The following CT45A1 variants were observed in gnomAD, a reference collection of about 807,000 sequenced individuals.
The protein encoded by CT45A1 is cancer/testis antigen family 45 member A1.
upstream of CT45A1, among the ~76,000 whole-genome samples, chrX:135,711,409 T>C (rs2087932618): frequency 9.0e-6 from 1 of 111,379 alleles, no homozygotes; most frequent in African/African-American, 3.3e-5. Flanking sequence ...GACAGGGTAC[T>C]TAACAAACAT....
intron 1 of CT45A1, among the ~76,000 whole-genome samples, chrX:135,717,069 A>AT (rs1464003252): frequency 2.7e-5 from 3 of 111,598 alleles, no homozygotes; most frequent in Non-Finnish European, 3.8e-5. Flanking sequence ...TCTTTAAAAA[A>AT]AACTTTGTAT....
chrX:135,709,462 T>A (rs1291837655), upstream of CT45A1, among the ~76,000 whole-genome samples: 1 of 111,750 alleles, frequency 8.9e-6, no homozygotes, highest in African/African-American at 3.3e-5. Context: ...AGAGATGTGG[T>A]TTTGCCATGT....
upstream of CT45A1, chrX:135,710,519 T>C (rs782064913): frequency 1.8e-5 from 2 of 112,116 alleles, no homozygotes; most frequent in East Asian, 2.8e-4. Flanking sequence ...GCAGATCATT[T>C]TGGAGTCTGG....
At chrX:135,713,056 T>A (rs1459789864), upstream of CT45A1, among the ~76,000 whole-genome samples, 1 of 94,387 alleles carries the variant, frequency 1.1e-5, no homozygotes, top group Non-Finnish European at 2.1e-5. Context: ...TTTTTTTTTT[T>A]TGAGATAGAG....
chrX:135,715,353 C>CTTATAT lies in CT45A1; in HGVS notation c.-7+1663_-7+1664insTTATAT, dbSNP rs2087973770. ...ATATATTATATATATATAATACTTACATATAATACTTATATATATAATACT... is the reference window on the plus strand; with the variant it reads ...ATATATTATATATATATAATACTTACTTATATATATAATACTTATATATATAATACT... On this transcript the variant is annotated intron_variant, in intron 1 of 4. Transcript: ENST00000594565. Among the ~76,000 whole-genome samples, 4 of 54,547 alleles carry CTTATAT rather than the reference C, an allele frequency of 7.3e-5. 1 individual carries two copies. Among genetic ancestry groups the CTTATAT allele is most frequent in the Non-Finnish European group, 1.3e-4 (4 of 31,065 alleles). The allele number at this position is 54,547 out of a possible 115,157, so 47.4% of individuals were successfully genotyped here.
At chrX:135,712,177 T>TCC (rs2087937458), upstream of CT45A1, among the ~76,000 whole-genome samples, 2 of 64,818 alleles carry the variant, frequency 3.1e-5, no homozygotes, top group Non-Finnish European at 5.6e-5. Flanking sequence ...CTTTTTTTCT[T>TCC]TCTTTTTTTT....
chrX:135,712,929 T>TTTGCTTTTTTTCTTTC (rs782757219), upstream of CT45A1, among the ~76,000 whole-genome samples: 1 of 62,927 alleles, frequency 1.6e-5, no homozygotes, highest in Non-Finnish European at 2.7e-5. Flanking sequence ...TTTTCTTTTC[T>TTTGCTTTTTTTCTTTC]TTTCTTTTTT....
intron 1 of CT45A1, among the ~76,000 whole-genome samples, chrX:135,716,902 C>G (rs1426009797): frequency 8.9e-6 from 1 of 111,753 alleles, no homozygotes; most frequent in Non-Finnish European, 1.9e-5. Context: ...ATTTACAACT[C>G]TTCTGTATTT....
chrX:135,712,012 C>A (rs1196995571), upstream of CT45A1, among the ~76,000 whole-genome samples: 1 of 108,614 alleles, frequency 9.2e-6, no homozygotes, highest in African/African-American at 3.4e-5. Context: ...ACCTGGGAGG[C>A]GGAGGTTGCA....
At chrX:135,711,695 G>T (rs2087933970), upstream of CT45A1, among the ~76,000 whole-genome samples, 1 of 111,856 alleles carries the variant, frequency 8.9e-6, no homozygotes, top group Admixed American at 9.5e-5. Context: ...GAAACTGCTT[G>T]TTCCATTAAA....
upstream of CT45A1, among the ~76,000 whole-genome samples, chrX:135,709,732 G>A (rs1489086529): frequency 9.0e-6 from 1 of 111,499 alleles, no homozygotes; most frequent in African/African-American, 3.3e-5. Flanking sequence ...AGGGGAGGGA[G>A]GGAGCGGGTT....
At chrX:135,719,281 C>A (rs1444620080) in intron 2 of CT45A1, among the ~76,000 whole-genome samples, 172 bp downstream of exon 2, 1 of 41,057 alleles carries the variant, frequency 2.4e-5, no homozygotes, top group Non-Finnish European at 4.3e-5. Context: ...CCATTTCCGA[C>A]AATCTTTTTT....
rs1569518768 is a variant in CT45A1 at position 135,715,326 on chromosome X, TTATATATTATA to T, written c.-7+1644_-7+1654del. Among the ~76,000 whole-genome samples, 46 of 76,335 alleles carry T rather than the reference TTATATATTATA, an allele frequency of 6.0e-4. 1 individual carries two copies. The highest frequency in any genetic ancestry group is 1.2e-3 in the African/African-American group (24 of 19,401). 66.3% of individuals were successfully genotyped at this position (76,335 alleles called of 115,157 possible). A position where few individuals can be genotyped will look rare whatever the true frequency, so the allele number is the denominator to read the frequency against. On this transcript the variant is annotated intron_variant, in intron 1 of 4. Coordinates refer to ENST00000594565, the MANE Select transcript of CT45A1 (RefSeq NM_001017417.3). ...TATATACAATACTTATATATAATACTTATATATTATATATATATAATACTTACATATAATAC... is the reference window on the plus strand; with the variant it reads ...TATATACAATACTTATATATAATACTTATATATAATACTTACATATAATAC...
intron 1 of CT45A1, among the ~76,000 whole-genome samples, chrX:135,716,893 T>G (rs1444106853): frequency 8.9e-6 from 1 of 111,784 alleles, no homozygotes; most frequent in African/African-American, 3.3e-5. Context: ...TCCACAATGA[T>G]TTACAACTCT....
chrX:135,713,783 T>C, intron 1 of CT45A1, 93 bp downstream of exon 1: 4 of 597,426 alleles, frequency 6.7e-6, no homozygotes, highest in Non-Finnish European at 8.1e-6. Context: ...AAGAGTCTTT[T>C]CTGTGGTGTT....
In CT45A1 at chrX:135,713,860, G is replaced by A. The variant is rs1433243406; in HGVS notation, c.-7+170G>A. Among the ~76,000 whole-genome samples the A allele has an allele frequency of 6.3e-5, 7 of 110,824 alleles. No homozygotes were observed. In the South Asian group the frequency reaches 2.0e-3, roughly 31 times the overall value. The stretch of plus-strand genomic sequence containing the variant: ...CAGCTCTGGGGACACCGCCATGGGC[G>A]CCTGTGTCAGCCGCGGGGGAGCGTT... On this transcript the variant is annotated intron_variant, in intron 1 of 4. Coordinates refer to ENST00000594565, the MANE Select transcript of CT45A1 (RefSeq NM_001017417.3).
intron 1 of CT45A1, among the ~76,000 whole-genome samples, chrX:135,715,707 C>T (rs1288933950): frequency 3.0e-5 from 3 of 98,524 alleles, no homozygotes; most frequent in Admixed American, 1.2e-4. Flanking sequence ...ATATATAATA[C>T]TTATATATAT....
At chrX:135,712,013 G>A (rs1255392616), upstream of CT45A1, among the ~76,000 whole-genome samples, 8 of 109,018 alleles carry the variant, frequency 7.3e-5, no homozygotes, top group Admixed American at 9.8e-5. Flanking sequence ...CCTGGGAGGC[G>A]GAGGTTGCAG....
intron 1 of CT45A1, among the ~76,000 whole-genome samples, chrX:135,714,067 C>T (rs2148032477): frequency 9.3e-6 from 1 of 107,033 alleles, no homozygotes; most frequent in Admixed American, 1.0e-4. Flanking sequence ...CAGTCGCAGT[C>T]CTGAGCGGGG....
Sources: allele counts gnomAD v4.1 joint callset (sites outside exome capture counted in the v4.1 genomes callset), GRCh38; gene constraint gnomAD v4.1.1; transcripts MANE v1.5; gene names NCBI Gene and HGNC (gene_info 2026-07-23, HGNC 2026-07-21).